The following PRKN variants were observed in gnomAD, a reference collection of about 807,000 sequenced individuals.
PRKN encodes parkin RBR E3 ubiquitin protein ligase.
In PRKN, 56 loss-of-function variants were observed where a neutral mutation model predicts 59.5. The observed-to-expected ratio is 0.94, with a 90% CI of 0.76 to 1.18. The LOEUF (loss-of-function observed/expected upper bound fraction) is 1.18. PRKN is among the 50% of genes most tolerant of loss of function. The pLI is 0.00. For missense variants in PRKN, 657 were observed against 596.4 expected (o/e 1.10, Z -1.06); for synonymous variants, 250 against 222.1 (o/e 1.13, Z -1.12).
intron 1 of PRKN, among the ~76,000 whole-genome samples, chr6:162,472,122 T>G (rs1289218900): frequency 6.6e-6 from 1 of 152,180 alleles, no homozygotes; most frequent in African/African-American, 2.4e-5. Context: ...ATACACTTAA[T>G]GAATCCTTAT....
intron 4 of PRKN, among the ~76,000 whole-genome samples, chr6:162,154,201 C>T (rs1417227455): frequency 6.6e-6 from 1 of 152,160 alleles, no homozygotes. Context: ...GCTGAAGACA[C>T]CCGCATCGCC....
chr6:162,235,091 A>T (rs1456952351), intron 3 of PRKN, among the ~76,000 whole-genome samples: 1 of 152,212 alleles, frequency 6.6e-6, no homozygotes, highest in Non-Finnish European at 1.5e-5. Flanking sequence ...TATACAAAGG[A>T]AACTAGCTGA....
intron 9 of PRKN, among the ~76,000 whole-genome samples, chr6:161,406,064 C>A (rs1787257554): frequency 6.6e-6 from 1 of 151,996 alleles, no homozygotes; most frequent in Non-Finnish European, 1.5e-5. Flanking sequence ...GGAAATGACC[C>A]TCACAATCTC....
At chr6:161,553,303 G>A (rs1780110490) in intron 8 of PRKN, among the ~76,000 whole-genome samples, 3 of 151,902 alleles carry the variant, frequency 2.0e-5, no homozygotes, top group Admixed American at 2.0e-4. Context: ...TTGATAATTG[G>A]TCTATAGGCT....
rs61592555 is a variant in PRKN at position 162,179,968 on chromosome 6, C to CTGTGTGTGTGTGTGTGTGTGTG, written c.534+21141_534+21162dup. 2.0e-3 allele frequency among the ~76,000 whole-genome samples: 275 copies of CTGTGTGTGTGTGTGTGTGTGTG among 139,766 alleles called. 3 individuals are homozygous for CTGTGTGTGTGTGTGTGTGTGTG. The highest frequency in any genetic ancestry group is 2.5e-3 in the Admixed American group (35 of 14,088). The allele number at this position is 139,766 out of a possible 152,430, so 91.7% of individuals were successfully genotyped here. A position where few individuals can be genotyped will look rare whatever the true frequency, so the allele number is the denominator to read the frequency against. On this transcript the variant is annotated intron_variant, in intron 4 of 11. Transcript: ENST00000366898. Reference sequence around the variant, plus strand: ...GACAGTGCTTTTTGTTATCTTATTACTGTGTGTGTGTGTGTGTGTGTGTGT... The same window carrying CTGTGTGTGTGTGTGTGTGTGTG: ...GACAGTGCTTTTTGTTATCTTATTACTGTGTGTGTGTGTGTGTGTGTGTGTGTGTGTGTGTGTGTGTGTGTGT...
At chr6:161,506,706 G>A (rs1218526649) in intron 9 of PRKN, among the ~76,000 whole-genome samples, 3 of 152,130 alleles carry the variant, frequency 2.0e-5, no homozygotes, top group African/African-American at 7.2e-5. Context: ...CTTATTGAGA[G>A]GCACACAGCC....
intron 3 of PRKN, among the ~76,000 whole-genome samples, chr6:162,208,253 A>G (rs1053785578): frequency 1.3e-4 from 20 of 152,200 alleles, no homozygotes; most frequent in Non-Finnish European, 1.8e-4. Flanking sequence ...AACGAGCCAT[A>G]AACTTAACTC....
chr6:161,397,816 T>TAAGAC lies in PRKN; in HGVS notation c.1084-10944_1084-10940dup, dbSNP rs1786835964. The stretch of plus-strand genomic sequence containing the variant: ...CAATCCTGAGTACAAGAGGAATAAC[T>TAAGAC]AAGACTTTCTGCCAGGGAAAGTACT... On this transcript the variant is annotated intron_variant, in intron 9 of 11. Transcript: ENST00000366898. The surrounding 1 kb of genome is among the most constrained non-coding windows in gnomAD (Gnocchi z 4.2). Among the ~76,000 whole-genome samples, 3 of 152,276 alleles carry TAAGAC rather than the reference T, an allele frequency of 2.0e-5. No individual in the cohort carries two copies. Among genetic ancestry groups the TAAGAC allele is most frequent in the Admixed American group, 6.5e-5 (1 of 15,298 alleles).
At position 161,527,936 on chromosome 6, in the gene PRKN, G is replaced by T. The variant is rs1300626055; in HGVS notation, c.1083+20918C>A. ...TTACTGCCTCCTTTAACACAGCACT[G>T]CTTTTAAACATTTCTTTCCCCCCAC... On this transcript the variant is annotated intron_variant, in intron 9 of 11. Transcript: ENST00000366898. The surrounding 1 kb of genome is among the most constrained non-coding windows in gnomAD (Gnocchi z 4.6). 6.6e-6 allele frequency among the ~76,000 whole-genome samples: 1 copy of T among 152,156 alleles called. No homozygotes were observed.
At position 162,160,680 on chromosome 6, in the gene PRKN, AAAAC is replaced by A. The variant is rs1481858630; in HGVS notation, c.534+40447_534+40450del. On this transcript the variant is annotated intron_variant, in intron 4 of 11. Transcript: ENST00000366898. ...GAGAAAAAAAGACCACATTAGCCTA[AAAAC>A]AAACAAACAAACAAAAACCCTGCCT... is the stretch of plus-strand genomic sequence containing the variant. 7.2e-5 allele frequency among the ~76,000 whole-genome samples: 11 copies of A among 152,044 alleles called. No homozygotes were observed. The South Asian group carries it at 1.5e-3, about 20-fold the overall frequency.
chr6:161,373,089 T>C lies in PRKN; in HGVS notation c.1168-12884A>G, dbSNP rs1417422755. ...GCCTCCCAAAGTGTGGGGCTGCCGG[T>C]GTGAACCACCACACTCGGTAGGGCA... is the stretch of plus-strand genomic sequence containing the variant. On this transcript the variant is annotated intron_variant, in intron 10 of 11. Transcript: ENST00000366898. This position sits in a 1 kb window ranked among gnomAD's most constrained non-coding sequence, Gnocchi z 4.8. Among the ~76,000 whole-genome samples the C allele has an allele frequency of 6.6e-6, 1 of 152,120 alleles. No individual in the cohort carries two copies. Among genetic ancestry groups the C allele is most frequent in the Admixed American group, 6.5e-5 (1 of 15,272 alleles).
chr6:161,956,198 A>C (rs1780163622), intron 6 of PRKN, among the ~76,000 whole-genome samples: 1 of 152,194 alleles, frequency 6.6e-6, no homozygotes, highest in African/African-American at 2.4e-5. Context: ...AGACAACTAG[A>C]GGTAGAACTG....
At chr6:162,705,099 A>G (rs1167925198) in intron 1 of PRKN, among the ~76,000 whole-genome samples, 1 of 152,232 alleles carries the variant, frequency 6.6e-6, no homozygotes, top group African/African-American at 2.4e-5. Context: ...AGACTTTAGT[A>G]ATAACTACTA....
chr6:162,408,839 A>C (rs766434707), intron 2 of PRKN, among the ~76,000 whole-genome samples: 9 of 152,104 alleles, frequency 5.9e-5, no homozygotes, highest in Non-Finnish European at 8.8e-5. Flanking sequence ...TTTTTATTCT[A>C]GTTGATTCTC....
At chr6:162,433,189 T>C (rs1789618974) in intron 2 of PRKN, among the ~76,000 whole-genome samples, 1 of 152,246 alleles carries the variant, frequency 6.6e-6, no homozygotes, top group South Asian at 2.1e-4. Context: ...AATTTGCTTA[T>C]GTGTCAGTCC....
At chr6:162,362,432 T>C (rs906958193) in intron 2 of PRKN, among the ~76,000 whole-genome samples, 5 of 152,082 alleles carry the variant, frequency 3.3e-5, no homozygotes, top group African/African-American at 9.7e-5. Context: ...ACTGAGATAT[T>C]TGGGGGTGGG....
chr6:162,293,684 G>T (rs1781537615), intron 2 of PRKN, among the ~76,000 whole-genome samples: 1 of 143,528 alleles, frequency 7.0e-6, no homozygotes, highest in Admixed American at 6.8e-5. Flanking sequence ...GCTAGAGCAG[G>T]CTGTCAGGAG....
chr6:162,716,976 C>T (rs1778754705), intron 1 of PRKN, among the ~76,000 whole-genome samples: 1 of 152,168 alleles, frequency 6.6e-6, no homozygotes, highest in African/African-American at 2.4e-5. Flanking sequence ...CCTCCTTGTC[C>T]CTGAAACCTA....
intron 5 of PRKN, among the ~76,000 whole-genome samples, chr6:161,982,480 C>T (rs1781297360): frequency 1.5e-5 from 1 of 66,876 alleles, no homozygotes; most frequent in East Asian, 3.4e-4. Flanking sequence ...AAGCTGGAGG[C>T]ATCACACTAC....
Sources: gnomAD v4.1 joint callset for allele counts (sites outside exome capture counted in the v4.1 genomes callset) on GRCh38, gnomAD v4.1.1 for gene constraint, Gnocchi (gnomAD v3.1) non-coding constraint, MANE v1.5 for transcripts, NCBI Gene and HGNC (gene_info 2026-07-23, HGNC 2026-07-21) for gene names.